CLIC4: variants seen among roughly 807,000 people sequenced by gnomAD.
CLIC4 encodes chloride intracellular channel protein 4.
In CLIC4, 13 loss-of-function variants were observed where a neutral mutation model predicts 24.6. That is an observed-to-expected ratio of 0.53 (90% CI 0.34 to 0.84). The LOEUF (loss-of-function observed/expected upper bound fraction) is 0.84. Ranked by LOEUF, CLIC4 falls within the 40% of genes least tolerant of loss-of-function variation. The pLI, the probability that CLIC4 is intolerant of heterozygous loss-of-function variation, is 0.01. For synonymous variants in CLIC4, 104 were observed against 111.3 expected (o/e 0.93, Z 0.41); for missense variants, 227 against 301.7 (o/e 0.75, Z 1.83).
intron 1 of CLIC4, among the ~76,000 whole-genome samples, chr1:24,787,562 A>T (rs1202011476): frequency 6.6e-6 from 1 of 151,590 alleles, no homozygotes; most frequent in Non-Finnish European, 1.5e-5. Context: ...TTTGATACGG[A>T]GTCTCACTTT....
intron 1 of CLIC4, among the ~76,000 whole-genome samples, chr1:24,794,513 C>T (rs1194646086): frequency 2.0e-5 from 3 of 151,926 alleles, no homozygotes; most frequent in East Asian, 3.9e-4. Context: ...GTCTTCATGT[C>T]GGTTGCCCAC....
At position 24,755,996 on chromosome 1, in the gene CLIC4, ATT is replaced by A. The variant is rs972121749; in HGVS notation, c.72+10391_72+10392del. 2.6e-3 allele frequency among the ~76,000 whole-genome samples: 166 copies of A among 63,362 alleles called. 1 individual carries two copies. Among genetic ancestry groups the A allele is most frequent in the African/African-American group, 8.3e-3 (149 of 18,058 alleles). 41.6% of individuals were successfully genotyped at this position (63,362 alleles called of 152,430 possible). A position where few individuals can be genotyped will look rare whatever the true frequency, so the allele number is the denominator to read the frequency against. ...ACCACCATGCCCAGCTAATTTTTTG[ATT>A]TTTTTTTTTTTTTTTTTTTGAGACG... On this transcript the variant is annotated intron_variant, in intron 1 of 5. Coordinates refer to ENST00000374379, the MANE Select transcript of CLIC4 (RefSeq NM_013943.3).
chr1:24,805,005 A>G (rs113070688), intron 2 of CLIC4, among the ~76,000 whole-genome samples: 3,038 of 145,920 alleles, frequency 0.021, 97 homozygotes, highest in African/African-American at 0.073. Context: ...AGGCTGAGGC[A>G]GGAGAATTGC....
intron 1 of CLIC4, among the ~76,000 whole-genome samples, chr1:24,772,498 T>G (rs572315513): frequency 1.1e-4 from 17 of 152,320 alleles, no homozygotes; most frequent in East Asian, 5.8e-4. Context: ...TGTATATATA[T>G]AGAGAGAGAC....
chr1:24,767,853 A>ATT (rs911290136), intron 1 of CLIC4, among the ~76,000 whole-genome samples: 5 of 150,312 alleles, frequency 3.3e-5, no homozygotes, highest in South Asian at 2.1e-4. Context: ...ATATATATAT[A>ATT]TTTTTTTTGG....
At chr1:24,800,334 G>T (rs1241404897) in intron 2 of CLIC4, among the ~76,000 whole-genome samples, 2 of 125,786 alleles carry the variant, frequency 1.6e-5, no homozygotes, top group South Asian at 2.9e-4. Context: ...GCCCCGTCCG[G>T]GAGGGAGGTG....
intron 4 of CLIC4, among the ~76,000 whole-genome samples, chr1:24,838,900 A>G (rs928309790): frequency 6.6e-6 from 1 of 152,100 alleles, no homozygotes; most frequent in South Asian, 2.1e-4. Flanking sequence ...AATCATGACA[A>G]TCAGAATCAT....
chr1:24,771,051 G>T (rs1321771589), intron 1 of CLIC4, among the ~76,000 whole-genome samples: 4 of 152,100 alleles, frequency 2.6e-5, no homozygotes, highest in African/African-American at 4.8e-5. Context: ...TCCAACTCTT[G>T]TGTTCCTTCT....
chr1:24,763,639 A>G (rs995886716), intron 1 of CLIC4, among the ~76,000 whole-genome samples: 18 of 151,554 alleles, frequency 1.2e-4, no homozygotes, highest in African/African-American at 3.4e-4. Flanking sequence ...TTTATCTCCT[A>G]CTTCTCCTGG....
intron 2 of CLIC4, among the ~76,000 whole-genome samples, chr1:24,808,350 C>T (rs904993561): frequency 6.6e-6 from 1 of 152,158 alleles, no homozygotes; most frequent in African/African-American, 2.4e-5. Context: ...ATAGTATTTG[C>T]ATATTAACCT....
intron 1 of CLIC4, among the ~76,000 whole-genome samples, chr1:24,791,057 A>C (rs1412201178): frequency 1.3e-5 from 2 of 152,140 alleles, no homozygotes; most frequent in African/African-American, 2.4e-5. Context: ...TAGAAGAATA[A>C]GTAGCAAATT....
chr1:24,819,583 G>T (rs1289717598), intron 3 of CLIC4, among the ~76,000 whole-genome samples: 1 of 151,386 alleles, frequency 6.6e-6, no homozygotes, highest in Non-Finnish European at 1.5e-5. Context: ...AATTACAGGC[G>T]TCCACCACTA....
At chr1:24,769,492 G>A (rs1416212288) in intron 1 of CLIC4, among the ~76,000 whole-genome samples, 2 of 152,192 alleles carry the variant, frequency 1.3e-5, no homozygotes, top group African/African-American at 4.8e-5. Flanking sequence ...GTAAGTAGCA[G>A]TACTGTGATT....
intron 1 of CLIC4, among the ~76,000 whole-genome samples, chr1:24,766,518 T>C (rs1054407302): frequency 1.5e-5 from 1 of 66,446 alleles, no homozygotes; most frequent in African/African-American, 6.3e-5. Flanking sequence ...TTTTTTTTTT[T>C]TTTGAGACGG....
intron 1 of CLIC4, among the ~76,000 whole-genome samples, chr1:24,785,854 C>CAAAAAAAAAAAAAAAAAAAAAAAAAAAAA (rs61009244): frequency 1.7e-5 from 1 of 58,852 alleles, no homozygotes; most frequent in Non-Finnish European, 2.9e-5. Flanking sequence ...GACTACAACT[C>CAAAAAAAAAAAAAAAAAAAAAAAAAAAAA]AAAAAAAAAA....
chr1:24,746,423 G>A (rs1378931003), intron 1 of CLIC4, among the ~76,000 whole-genome samples: 1 of 152,150 alleles, frequency 6.6e-6, no homozygotes, highest in Non-Finnish European at 1.5e-5. Flanking sequence ...TGTGTCTTCA[G>A]CTTTCATGTG....
intron 3 of CLIC4, among the ~76,000 whole-genome samples, chr1:24,816,212 C>G (rs920527034): frequency 4.0e-5 from 6 of 150,978 alleles, no homozygotes; most frequent in African/African-American, 1.5e-4. Context: ...TTGACCTCCT[C>G]CCATGAATCA....
chr1:24,796,462 C>T (rs1044590795), intron 1 of CLIC4, among the ~76,000 whole-genome samples: 4 of 152,324 alleles, frequency 2.6e-5, no homozygotes, highest in African/African-American at 7.2e-5. Context: ...GCTGGGATTA[C>T]AGGCGTGAGC....
Position 24,841,012 on chromosome 1 carries a change from G to C in CLIC4, c.*75G>C. 5 of 1,283,658 alleles carry C rather than the reference G, an allele frequency of 3.9e-6. No individual in the cohort carries two copies. Among genetic ancestry groups the C allele is most frequent in the Non-Finnish European group, 5.4e-6 (5 of 932,396 alleles). 79.5% of individuals were successfully genotyped at this position (1,283,658 alleles called of 1,614,324 possible). On this transcript the variant is annotated 3_prime_UTR_variant, in exon 6 of 6. Coordinates refer to ENST00000374379, the MANE Select transcript of CLIC4 (RefSeq NM_013943.3). Reference sequence around the variant, plus strand: ...TTTTCCTAACAGGCTACTCCTTCCTGTAGAGCAGAAATTGTATTTTGCACG... The same window carrying C: ...TTTTCCTAACAGGCTACTCCTTCCTCTAGAGCAGAAATTGTATTTTGCACG...
Sources: allele counts gnomAD v4.1 joint callset (sites outside exome capture counted in the v4.1 genomes callset), GRCh38; gene constraint gnomAD v4.1.1; transcripts MANE v1.5; gene names NCBI Gene and HGNC (gene_info 2026-07-23, HGNC 2026-07-21).